HERC2: variants seen among roughly 807,000 people sequenced by gnomAD.
The protein encoded by HERC2 is HECT and RLD domain containing E3 ubiquitin protein ligase 2, also known as E3 ubiquitin-protein ligase HERC2.
Under a neutral mutation model 537.7 loss-of-function variants are expected in HERC2, and 102 were observed. The ratio of observed to expected loss-of-function variants is 0.19; its 90% CI spans 0.16 to 0.22. The LOEUF is 0.22. Among genes scored for constraint, HERC2 ranks in the 10% least tolerant of loss-of-function variants. HERC2 has a pLI of 1.00. For missense variants in HERC2, 4,236 were observed against 6,198.2 expected (o/e 0.68, Z 10.63); for synonymous variants, 2,224 against 2,466.2 (o/e 0.90, Z 2.91).
chr15:28,117,519 C>G (rs766996861), intron 86 of HERC2: 7 of 554,994 alleles, frequency 1.3e-5, no homozygotes, highest in Non-Finnish European at 2.4e-5. Context: ...ACTGCTGCTA[C>G]TTCACCATCT....
At chr15:28,194,576 A>AT (rs1897173245) in intron 52 of HERC2, among the ~76,000 whole-genome samples, 1 of 151,498 alleles carries the variant, frequency 6.6e-6, no homozygotes, top group East Asian at 2.0e-4. Context: ...CGTCTCAAAA[A>AT]AAACAAAACA....
rs750743204 is a variant in HERC2 at position 28,215,636 on chromosome 15, G to A, written c.6195C>T (p.Thr2065=). 180 of 1,608,714 alleles carry A rather than the reference G, an allele frequency of 1.1e-4. No individual in the cohort carries two copies. Among genetic ancestry groups the A allele is most frequent in the Non-Finnish European group, 1.5e-4 (177 of 1,178,062 alleles). Residue 2065 remains threonine (T), a synonymous_variant, in exon 39 of 93, where the codon ACC becomes ACT. Transcript: ENST00000261609. ...VVEGHAPFTA[T]SLQRQILAVH... The stretch of plus-strand genomic sequence containing the variant: ...AGCACATTACCTGCCTCTGCAGCGA[G>A]GTGGCAGTGAAGGGTGCGTGCCCTT...
Position 28,268,458 on chromosome 15 carries a change from T to A in HERC2, c.1598+7A>T. ...GTGTGTCCCCTACAGGAATAAGCGA[T>A]ACATACACAGTGTCCCCATGGCCCA... On this transcript the variant is annotated splice_region_variant and intron_variant, in intron 12 of 92. Transcript: ENST00000261609. The surrounding 1 kb of genome is among the most constrained non-coding windows in gnomAD (Gnocchi z 4.7). 1 of 1,612,782 alleles carries A rather than the reference T, an allele frequency of 6.2e-7. No individual in the cohort carries two copies. Among genetic ancestry groups the A allele is most frequent in the African/African-American group, 1.3e-5 (1 of 74,982 alleles).
At chr15:28,178,654 T>G (rs1895526690) in intron 59 of HERC2, among the ~76,000 whole-genome samples, 1 of 152,198 alleles carries the variant, frequency 6.6e-6, no homozygotes, top group African/African-American at 2.4e-5. Context: ...GTTTTGGGAA[T>G]CTGAAGAAAG....
At chr15:28,198,314 T>A (rs1179533518) in intron 50 of HERC2, 64 bp downstream of exon 50, 1 of 1,523,460 alleles carries the variant, frequency 6.6e-7, no homozygotes, top group African/African-American at 1.4e-5. Context: ...CAAAAAGAAA[T>A]ACTAAGTACA....
chr15:28,177,284 AC>A lies in HERC2; in HGVS notation c.9254+134del, dbSNP rs1403656303. 8.4e-7 allele frequency: 1 copy of A among 1,194,956 alleles called. No individual in the cohort carries two copies. Among genetic ancestry groups the A allele is most frequent in the Non-Finnish European group, 1.2e-6 (1 of 845,492 alleles). 74.0% of individuals were successfully genotyped at this position (1,194,956 alleles called of 1,614,324 possible). ...AACCGGTGAGACCAAAACACAAACA[AC>A]CGTGTTAAAAAAATTTTGTTTAAGA... On this transcript the variant is annotated intron_variant, in intron 60 of 92. Transcript: ENST00000261609. This position sits in a 1 kb window ranked among gnomAD's most constrained non-coding sequence, Gnocchi z 5.0.
chr15:28,312,238 A>G (rs2076965867), intron 2 of HERC2, among the ~76,000 whole-genome samples: 1 of 152,288 alleles, frequency 6.6e-6, no homozygotes, highest in African/African-American at 2.4e-5. Context: ...AGCAAAAGTG[A>G]AGCCCAGGAG....
intron 4 of HERC2, among the ~76,000 whole-genome samples, chr15:28,287,480 G>T (rs1195541396): frequency 6.6e-6 from 1 of 152,000 alleles, no homozygotes; most frequent in African/African-American, 2.4e-5. Context: ...GGTGTATTTC[G>T]GGTCTAGTTA....
chr15:28,174,225 C>T (rs1370611286), intron 65 of HERC2, among the ~76,000 whole-genome samples, 170 bp downstream of exon 65: 2 of 149,698 alleles, frequency 1.3e-5, no homozygotes, highest in African/African-American at 4.9e-5. Flanking sequence ...ATTTTCATTC[C>T]AGCATGTATA....
At chr15:28,182,297 A>G in intron 57 of HERC2, 104 bp downstream of exon 57, 1 of 663,710 alleles carries the variant, frequency 1.5e-6, no homozygotes, top group Non-Finnish European at 2.6e-6. Context: ...GTTCGTGTAA[A>G]GAAACAATAC....
Position 28,268,378 on chromosome 15 carries a change from C to A in HERC2, c.1598+87G>T. 1 of 1,309,646 alleles carries A rather than the reference C, an allele frequency of 7.6e-7. No homozygotes were observed. Among genetic ancestry groups the A allele is most frequent in the South Asian group, 1.4e-5 (1 of 72,556 alleles). 81.1% of individuals were successfully genotyped at this position (1,309,646 alleles called of 1,614,324 possible). On this transcript the variant is annotated intron_variant, in intron 12 of 92. Transcript: ENST00000261609. This position sits in a 1 kb window ranked among gnomAD's most constrained non-coding sequence, Gnocchi z 4.7. ...TACATGTCAGGGCAATTGGAAAACA[C>A]CTGGACACACTTCTGCGCTCCATCC... is the stretch of plus-strand genomic sequence containing the variant.
At chr15:28,119,456 G>A (rs1331443292) in intron 86 of HERC2, among the ~76,000 whole-genome samples, 2 of 135,118 alleles carry the variant, frequency 1.5e-5, no homozygotes, top group South Asian at 2.7e-4. Flanking sequence ...ATAAGTTGTC[G>A]TTTTTTGTTT....
intron 69 of HERC2, among the ~76,000 whole-genome samples, chr15:28,162,568 T>C (rs1388899270): frequency 6.6e-6 from 1 of 152,134 alleles, no homozygotes; most frequent in Admixed American, 6.5e-5. Context: ...TGACAAATCA[T>C]TTTAAAAAGA....
chr15:28,121,444 AC>A lies in HERC2; in HGVS notation c.13189-16del. On this transcript the variant is annotated splice_polypyrimidine_tract_variant and intron_variant, in intron 85 of 92. Transcript: ENST00000261609. Reference sequence around the variant, plus strand: ...AAAGCCGCCTCCTAAAACACATCAAACAGACAAAATTTAGAATCTGATATGG... The same window carrying A: ...AAAGCCGCCTCCTAAAACACATCAAAAGACAAAATTTAGAATCTGATATGG... 6.2e-7 allele frequency: 1 copy of A among 1,601,480 alleles called. No individual in the cohort carries two copies. Among genetic ancestry groups the A allele is most frequent in the Non-Finnish European group, 8.6e-7 (1 of 1,168,474 alleles).
At chr15:28,185,189 T>A (rs1296776780) in intron 56 of HERC2, among the ~76,000 whole-genome samples, 1 of 148,140 alleles carries the variant, frequency 6.8e-6, no homozygotes, top group African/African-American at 2.7e-5. Context: ...AGCCCTAGAA[T>A]AACCTGATTT....
Position 28,292,993 on chromosome 15 carries a change from T to G in HERC2, c.217A>C (p.Lys73Gln), listed in dbSNP as rs145883454. The G allele has an allele frequency of 5.6e-4, 902 of 1,611,238 alleles. No homozygotes were observed. The highest frequency in any genetic ancestry group is 1.0e-3 in the South Asian group (93 of 90,786). The change falls in exon 4 of 93, where the codon AAA becomes CAA. Residue 73 changes from lysine (K) to glutamine (Q), a missense_variant. Coordinates refer to ENST00000261609, the MANE Select transcript of HERC2 (RefSeq NM_004667.6). Reference protein sequence around the residue: ...DDSVEPSGTKKEDLNDKEKKD... With the variant: ...DDSVEPSGTKQEDLNDKEKKD... ...TTCTCTTTGTCATTCAGATCTTCTT[T>G]CTTTGTTCCACTTGGTTCGACACTA... is the stretch of plus-strand genomic sequence containing the variant.
chr15:28,211,006 G>A lies in HERC2; in HGVS notation c.7065C>T (p.His2355=), dbSNP rs377564364. Residue 2355 remains histidine (H), a synonymous_variant, in exon 44 of 93, where the codon CAC becomes CAT. Transcript: ENST00000261609. ...QPAVQETGTV[H]TDDGAVVSPD... ...AAGAACTTTTTAAAAAGACACCTGTGTGAACAGTTCCAGTCTCCTGAACAG... is the reference window on the plus strand; with the variant it reads ...AAGAACTTTTTAAAAAGACACCTGTATGAACAGTTCCAGTCTCCTGAACAG... 125 of 1,507,784 alleles carry A rather than the reference G, an allele frequency of 8.3e-5. No homozygotes were observed. The African/African-American group carries it at 1.7e-3, about 20-fold the overall frequency. 93.4% of individuals were successfully genotyped at this position (1,507,784 alleles called of 1,614,324 possible).
At chr15:28,314,863 GAA>G (rs11324616) in intron 2 of HERC2, among the ~76,000 whole-genome samples, 250 of 142,742 alleles carry the variant, frequency 1.8e-3, no homozygotes, top group Middle Eastern at 3.7e-3. Flanking sequence ...TCCCTCTCAG[GAA>G]AAAAAAAAAA....
At chr15:28,219,231 G>A (rs77820448) in intron 37 of HERC2, among the ~76,000 whole-genome samples, 3,173 of 152,376 alleles carry the variant, frequency 0.021, 100 homozygotes, top group African/African-American at 0.072. Flanking sequence ...ACCGGCATCT[G>A]TGGAGTGGGG....
Sources: gnomAD v4.1 joint callset for allele counts (sites outside exome capture counted in the v4.1 genomes callset) on GRCh38, gnomAD v4.1.1 for gene constraint, Gnocchi (gnomAD v3.1) non-coding constraint, MANE v1.5 for transcripts, NCBI Gene and HGNC (gene_info 2026-07-23, HGNC 2026-07-21) for gene names.